PRR11: variants seen among roughly 807,000 people sequenced by gnomAD.
PRR11 encodes proline-rich protein 11.
A neutral mutation model predicts 45.6 loss-of-function variants in PRR11; 30 were observed. That is an observed-to-expected ratio of 0.66 (90% CI 0.49 to 0.89). The LOEUF (loss-of-function observed/expected upper bound fraction) is 0.89, where lower values mean the gene tolerates loss of function less well. Ranked by LOEUF, PRR11 falls within the 40% of genes least tolerant of loss-of-function variation. The pLI is 0.00. For synonymous variants in PRR11, 128 were observed against 153.5 expected (o/e 0.83, Z 1.23); for missense variants, 373 against 424.8 (o/e 0.88, Z 1.07).
intron 4 of PRR11, among the ~76,000 whole-genome samples, chr17:59,192,266 A>G (rs1367049154): frequency 2.0e-5 from 3 of 152,150 alleles, no homozygotes; most frequent in Non-Finnish European, 4.4e-5. Flanking sequence ...AAAAGAGGCA[A>G]GGAACCGATT....
chr17:59,181,439 G>A (rs539455777), intron 2 of PRR11: 3 of 982,134 alleles, frequency 3.1e-6, no homozygotes, highest in South Asian at 2.6e-5. Flanking sequence ...CATTGGAAAA[G>A]TGTGGTTATT....
At chr17:59,162,173 T>A (rs2046655739) in intron 1 of PRR11, among the ~76,000 whole-genome samples, 1 of 145,650 alleles carries the variant, frequency 6.9e-6, no homozygotes, top group African/African-American at 2.6e-5. Context: ...CTGTATTTAA[T>A]TAGAAGGAGA....
chr17:59,181,645 T>C, intron 2 of PRR11: 2 of 1,512,612 alleles, frequency 1.3e-6, no homozygotes, highest in Non-Finnish European at 1.8e-6. Flanking sequence ...GGCGAGCTCC[T>C]TCTCTGGCGC....
At chr17:59,197,950 C>CAA (rs2046874850) in intron 9 of PRR11, 161 bp downstream of exon 9, 1 of 612,710 alleles carries the variant, frequency 1.6e-6, no homozygotes, top group Non-Finnish European at 2.8e-6. Context: ...TCTGTCTCTA[C>CAA]AAAAAATACA....
intron 2 of PRR11, among the ~76,000 whole-genome samples, chr17:59,183,230 A>G (rs1409798711): frequency 6.6e-6 from 1 of 152,162 alleles, no homozygotes; most frequent in Non-Finnish European, 1.5e-5. Context: ...GGGTCTCCGC[A>G]TCCATCTGTT....
intron 4 of PRR11, among the ~76,000 whole-genome samples, chr17:59,185,778 G>A (rs910939555): frequency 1.3e-5 from 2 of 152,194 alleles, no homozygotes; most frequent in Admixed American, 1.3e-4. Context: ...TCAGATAGCT[G>A]ATTGGATCAG....
chr17:59,166,892 G>C (rs566695967), intron 1 of PRR11, among the ~76,000 whole-genome samples: 25 of 152,046 alleles, frequency 1.6e-4, no homozygotes, highest in Admixed American at 4.6e-4. Flanking sequence ...GACCGGGCGC[G>C]GTGGCTTATG....
In PRR11 at chr17:59,197,788, A is replaced by C; in HGVS notation, c.1013A>C (p.Gln338Pro). 6.2e-7 allele frequency: 1 copy of C among 1,611,854 alleles called. No individual in the cohort carries two copies. The highest frequency in any genetic ancestry group is 8.5e-7 in the Non-Finnish European group (1 of 1,178,288). ...ACGCAGGCCTTAAGGAGAAAGTTTCAGGTAACCCTTTAGGAAAAGAATATT... is the reference window on the plus strand; with the variant it reads ...ACGCAGGCCTTAAGGAGAAAGTTTCCGGTAACCCTTTAGGAAAAGAATATT... ...VMTQALRRKF[Q>P]LAHPRSPTPT... The change falls in exon 9 of 10, where the codon CAG becomes CCG. Residue 338 changes from glutamine to proline, a missense_variant and splice_region_variant. By Grantham distance (76) the Gln-to-Pro change is moderately conservative. Coordinates refer to ENST00000262293, the MANE Select transcript of PRR11 (RefSeq NM_018304.4).
intron 1 of PRR11, among the ~76,000 whole-genome samples, chr17:59,162,515 CA>C (rs1045158716): frequency 2.7e-5 from 4 of 150,312 alleles, no homozygotes; most frequent in African/African-American, 7.3e-5. Flanking sequence ...AAAGAAATAA[CA>C]AAAAAAAATA....
chr17:59,158,800 G>A (rs1568315982), intron 1 of PRR11, among the ~76,000 whole-genome samples: 1 of 152,218 alleles, frequency 6.6e-6, no homozygotes, highest in Non-Finnish European at 1.5e-5. Context: ...AGAAGAGACA[G>A]GGTAAATTAA....
chr17:59,161,585 C>G (rs1225065063), intron 1 of PRR11, among the ~76,000 whole-genome samples: 1 of 151,886 alleles, frequency 6.6e-6, no homozygotes, highest in Non-Finnish European at 1.5e-5. Flanking sequence ...CCTGTCTCAA[C>G]TAAAAATAAA....
intron 9 of PRR11, 84 bp downstream of exon 9, chr17:59,197,873 A>G (rs1463455841): frequency 2.5e-6 from 3 of 1,212,592 alleles, no homozygotes; most frequent in Non-Finnish European, 3.6e-6. Context: ...TAATCCTAAC[A>G]CTTTGGGAGG....
At chr17:59,183,963 G>T (rs1357293180) in intron 2 of PRR11, among the ~76,000 whole-genome samples, 1 of 125,856 alleles carries the variant, frequency 7.9e-6, no homozygotes, top group Non-Finnish European at 1.6e-5. Flanking sequence ...AATTAGCCAG[G>T]TGTGGTGGCT....
At chr17:59,185,001 C>G in intron 2 of PRR11, 53 bp from the exon 3 acceptor site, 1 of 1,559,308 alleles carries the variant, frequency 6.4e-7, no homozygotes. Flanking sequence ...CAGGCCAAGG[C>G]TATTATTCTG....
intron 1 of PRR11, among the ~76,000 whole-genome samples, chr17:59,169,528 C>G (rs2048231675): frequency 6.6e-6 from 1 of 152,036 alleles, no homozygotes; most frequent in Non-Finnish European, 1.5e-5. Flanking sequence ...AATATAATGC[C>G]AAGACCAAGA....
intron 1 of PRR11, among the ~76,000 whole-genome samples, chr17:59,168,843 A>G (rs2046692384): frequency 6.6e-6 from 1 of 152,194 alleles, no homozygotes; most frequent in African/African-American, 2.4e-5. Flanking sequence ...GACTTACTGC[A>G]TTGCATTGAC....
At chr17:59,169,632 G>C (rs2046697153) in intron 1 of PRR11, 116 bp from the exon 2 acceptor site, 2 of 945,406 alleles carry the variant, frequency 2.1e-6, no homozygotes, top group African/African-American at 3.3e-5. Context: ...TAACCAAGAT[G>C]GTGGTTTCAA....
intron 2 of PRR11, among the ~76,000 whole-genome samples, chr17:59,178,168 T>C (rs953871167): frequency 2.0e-5 from 3 of 151,938 alleles, no homozygotes; most frequent in African/African-American, 7.3e-5. Flanking sequence ...ACCCCATCTC[T>C]ACTAAAAACA....
At chr17:59,181,817 C>G in intron 2 of PRR11, 1 of 1,517,804 alleles carries the variant, frequency 6.6e-7, no homozygotes, top group Non-Finnish European at 9.0e-7. Flanking sequence ...ACCCCGACCC[C>G]AACCCCAAAC....
Sources: gnomAD v4.1 joint callset for allele counts (sites outside exome capture counted in the v4.1 genomes callset) on GRCh38, gnomAD v4.1.1 for gene constraint, MANE v1.5 for transcripts, NCBI Gene and HGNC (gene_info 2026-07-23, HGNC 2026-07-21) for gene names.